Variants in NMNAT2 observed in about 807,000 individuals in gnomAD.
NMNAT2 encodes nicotinamide/nicotinic acid mononucleotide adenylyltransferase 2.
Under a neutral mutation model 41.6 loss-of-function variants are expected in NMNAT2, and 11 were observed. The observed-to-expected ratio is 0.26, with a 90% confidence interval of 0.17 to 0.44. The LOEUF (loss-of-function observed/expected upper bound fraction) is 0.44, where lower values mean the gene tolerates loss of function less well. Among genes scored for constraint, NMNAT2 ranks in the 20% least tolerant of loss-of-function variants. The probability of loss-of-function intolerance (pLI) is 1.00; values close to 1 mark genes in which losing one functional copy is unlikely to be tolerated. For missense variants in NMNAT2, 288 were observed against 407.7 expected, an observed-to-expected ratio of 0.71 and a Z score of 2.53; for synonymous variants, 148 against 151.2, an observed-to-expected ratio of 0.98 and a Z score of 0.16.
chr1:183,308,183 C>T (rs918049611), intron 1 of NMNAT2, among the ~76,000 whole-genome samples: 1 of 152,174 alleles, frequency 6.6e-6, no homozygotes, highest in Non-Finnish European at 1.5e-5. Flanking sequence ...TCAACTGACC[C>T]AGAGGTATGA....
chr1:183,392,201 T>C (rs1420357999), intron 1 of NMNAT2, among the ~76,000 whole-genome samples: 2 of 152,162 alleles, frequency 1.3e-5, no homozygotes, highest in African/African-American at 4.8e-5. Flanking sequence ...CTCCCAAACC[T>C]GCTCTTCCCA....
chr1:183,406,312 G>C (rs1186443618), intron 1 of NMNAT2, among the ~76,000 whole-genome samples: 1 of 152,204 alleles, frequency 6.6e-6, no homozygotes, highest in Non-Finnish European at 1.5e-5. Context: ...CGAAAGAGAA[G>C]GGTGCTGGGA....
At chr1:183,386,787 G>T (rs931787089) in intron 1 of NMNAT2, among the ~76,000 whole-genome samples, 2 of 151,910 alleles carry the variant, frequency 1.3e-5, no homozygotes, top group Non-Finnish European at 2.9e-5. Flanking sequence ...CTCATGGATC[G>T]CTAGTTATAG....
chr1:183,408,350 T>C (rs1649018847), intron 1 of NMNAT2, among the ~76,000 whole-genome samples: 1 of 152,220 alleles, frequency 6.6e-6, no homozygotes, highest in African/African-American at 2.4e-5. Flanking sequence ...AATAAAACTT[T>C]ATGAATAGTA....
chr1:183,324,855 T>G (rs1662429808), intron 1 of NMNAT2, among the ~76,000 whole-genome samples: 2 of 152,162 alleles, frequency 1.3e-5, no homozygotes, highest in South Asian at 4.1e-4. Context: ...GGGCAGGGAC[T>G]TAGCCTTTCC....
At chr1:183,277,003 C>T (rs150841530) in intron 8 of NMNAT2, among the ~76,000 whole-genome samples, 20 of 152,320 alleles carry the variant, frequency 1.3e-4, no homozygotes, top group African/African-American at 4.3e-4. Context: ...CTTCACCTTA[C>T]ATAGCTTTGT....
chr1:183,288,703 C>G (rs1205319172), intron 4 of NMNAT2, among the ~76,000 whole-genome samples: 2 of 152,338 alleles, frequency 1.3e-5, no homozygotes, highest in South Asian at 2.1e-4. Context: ...GCAGGAACTC[C>G]CCAGGTGACA....
intron 1 of NMNAT2, among the ~76,000 whole-genome samples, chr1:183,315,584 C>T (rs1482015556): frequency 6.6e-6 from 1 of 151,898 alleles, no homozygotes; most frequent in East Asian, 1.9e-4. Context: ...GGGTTCAAGA[C>T]CAGCCTGGCC....
chr1:183,292,773 C>T lies in NMNAT2; in HGVS notation c.242+17G>A, dbSNP rs779439423. The T allele has an allele frequency of 4.1e-5, 66 of 1,612,316 alleles. No individual in the cohort carries two copies. The highest frequency in any genetic ancestry group is 3.3e-4 in the Middle Eastern group (2 of 6,078). ...GTCTCCGGGCCACTGCCTCTGGCATCTTCAGGCCAGTCCTACCTGATCCAA... is the reference window on the plus strand; with the variant it reads ...GTCTCCGGGCCACTGCCTCTGGCATTTTCAGGCCAGTCCTACCTGATCCAA... On this transcript the variant is annotated intron_variant, in intron 3 of 10. Coordinates refer to ENST00000287713, the MANE Select transcript of NMNAT2 (RefSeq NM_015039.4).
intron 4 of NMNAT2, among the ~76,000 whole-genome samples, chr1:183,287,367 G>A (rs1661427682): frequency 6.6e-6 from 1 of 152,190 alleles, no homozygotes; most frequent in Admixed American, 6.5e-5. Flanking sequence ...CAGTAACACA[G>A]CCAAGCAAGA....
chr1:183,279,765 C>A (rs1661213341), intron 7 of NMNAT2, among the ~76,000 whole-genome samples: 1 of 152,178 alleles, frequency 6.6e-6, no homozygotes, highest in Non-Finnish European at 1.5e-5. Flanking sequence ...GTCAGGGCAG[C>A]CTTCCCACGT....
chr1:183,306,471 G>A (rs1351085287), intron 1 of NMNAT2, among the ~76,000 whole-genome samples: 1 of 152,124 alleles, frequency 6.6e-6, no homozygotes, highest in Non-Finnish European at 1.5e-5. Context: ...GAATACAGTT[G>A]GTTACCCAGC....
At position 183,290,158 on chromosome 1, in the gene NMNAT2, G is replaced by C; in HGVS notation, c.291C>G (p.Ser97Arg). The change falls in exon 4 of 11, where the codon AGC becomes AGG. Residue 97 changes from serine (S) to arginine (R), a missense_variant. By Grantham distance (110) the Ser-to-Arg change is moderately radical. Around this residue, in one of 3 missense-constraint regions of NMNAT2, gnomAD observed 100 missense variants for 168.5 expected, o/e 0.59. Transcript: ENST00000287713. ...CYQDTWQTTC[S>R]VLEHHRDLMK... The stretch of plus-strand genomic sequence containing the variant: ...TGAGGTCCCGGTGGTGTTCCAACAC[G>C]CTGCAGGTCGTCTGCCAGGTGTCCT... The C allele has an allele frequency of 6.3e-7, 1 of 1,585,654 alleles. No individual in the cohort carries two copies. Among genetic ancestry groups the C allele is most frequent in the Non-Finnish European group, 8.6e-7 (1 of 1,164,748 alleles).
chr1:183,369,754 G>A (rs879485672), intron 1 of NMNAT2, among the ~76,000 whole-genome samples: 5 of 151,724 alleles, frequency 3.3e-5, no homozygotes, highest in Admixed American at 6.6e-5. Flanking sequence ...CATTAAACAC[G>A]AACTCCCCAT....
At chr1:183,283,642 G>A (rs1365844143) in intron 7 of NMNAT2, 2 of 350,622 alleles carry the variant, frequency 5.7e-6, no homozygotes, top group East Asian at 1.5e-4. Flanking sequence ...GAAGGCCGGG[G>A]TGCTCTTCTG....
intron 1 of NMNAT2, among the ~76,000 whole-genome samples, chr1:183,301,531 A>G (rs1445117158): frequency 6.6e-6 from 1 of 152,250 alleles, no homozygotes; most frequent in Non-Finnish European, 1.5e-5. Flanking sequence ...AACATTAGAC[A>G]TGCAAGTCAG....
intron 4 of NMNAT2, among the ~76,000 whole-genome samples, chr1:183,289,760 A>G (rs1661490399): frequency 6.6e-6 from 1 of 152,006 alleles, no homozygotes; most frequent in Non-Finnish European, 1.5e-5. Flanking sequence ...CCTGCCTTTC[A>G]TTGTCCAGTT....
intron 7 of NMNAT2, chr1:183,283,731 GA>G (rs540085371): frequency 6.1e-6 from 3 of 489,746 alleles, no homozygotes; most frequent in Non-Finnish European, 1.1e-5. Context: ...ATGTTTTTTA[GA>G]GGAGGGAGTG....
At chr1:183,305,246 G>A (rs1487684307) in intron 1 of NMNAT2, among the ~76,000 whole-genome samples, 2 of 151,612 alleles carry the variant, frequency 1.3e-5, no homozygotes, top group Admixed American at 6.6e-5. Context: ...AAACACATGA[G>A]AGAATTCTTT....
Sources: allele counts gnomAD v4.1 joint callset (sites outside exome capture counted in the v4.1 genomes callset), GRCh38; gene constraint gnomAD v4.1.1; regional missense constraint gnomAD v4.1.1; transcripts MANE v1.5; gene names NCBI Gene and HGNC (gene_info 2026-07-23, HGNC 2026-07-21).